The following INTS13 variants were observed in gnomAD, a reference collection of about 807,000 sequenced individuals.
INTS13 encodes the protein asunder, spermatogenesis regulator homolog (Drosphila).
INTS13 carries 35 observed loss-of-function variants against 90.2 expected under a neutral mutation model. The observed-to-expected ratio is 0.39, with a 90% CI of 0.30 to 0.51. The LOEUF (loss-of-function observed/expected upper bound fraction) is 0.51, where lower values mean the gene tolerates loss of function less well. Ranked by LOEUF, INTS13 falls within the 20% of genes least tolerant of loss-of-function variation. INTS13 has a pLI of 0.80. For synonymous variants in INTS13, 309 were observed against 277.1 expected (o/e 1.11, Z -1.14); for missense variants, 601 against 851.2 (o/e 0.71, Z 3.66).
chr12:26,910,424 T>C (rs1951736950), intron 15 of INTS13, among the ~76,000 whole-genome samples: 2 of 152,238 alleles, frequency 1.3e-5, no homozygotes, highest in South Asian at 2.1e-4. Context: ...GCCTGTATTC[T>C]CTAAGGCTGT....
intron 14 of INTS13, among the ~76,000 whole-genome samples, chr12:26,912,793 T>C (rs1201747247): frequency 6.6e-6 from 1 of 151,856 alleles, no homozygotes; most frequent in African/African-American, 2.4e-5. Context: ...AGTGGAGGAA[T>C]CTCGGCTCAC....
At chr12:26,923,276 C>CA (rs1329943505) in intron 7 of INTS13, among the ~76,000 whole-genome samples, 1 of 152,134 alleles carries the variant, frequency 6.6e-6, no homozygotes. Context: ...GGCAAGCTAT[C>CA]AGAGTATTTT....
intron 11 of INTS13, among the ~76,000 whole-genome samples, chr12:26,915,284 GT>G (rs1951899896): frequency 6.6e-6 from 1 of 151,986 alleles, no homozygotes; most frequent in African/African-American, 2.4e-5. Context: ...GTCAACAATA[GT>G]TATCTGTGAA....
At chr12:26,924,523 T>C (rs772871325) in intron 6 of INTS13, 40 bp from the exon 7 acceptor site, 25 of 1,560,546 alleles carry the variant, frequency 1.6e-5, no homozygotes, top group Admixed American at 5.5e-5. Context: ...CACAAAATAT[T>C]AATTCATTGT....
intron 15 of INTS13, among the ~76,000 whole-genome samples, chr12:26,909,103 G>GC (rs1360297994): frequency 6.6e-6 from 1 of 152,230 alleles, no homozygotes; most frequent in Non-Finnish European, 1.5e-5. Context: ...ACTCATGCCT[G>GC]TAATCCCAGC....
chr12:26,928,153 A>C, intron 5 of INTS13, 52 bp downstream of exon 5: 1 of 1,284,316 alleles, frequency 7.8e-7, no homozygotes, highest in Non-Finnish European at 1.1e-6. Flanking sequence ...AATAATTATA[A>C]CATATATCTA....
chr12:26,920,111 G>C (rs1435812926), intron 8 of INTS13, among the ~76,000 whole-genome samples: 4 of 143,426 alleles, frequency 2.8e-5, no homozygotes, highest in Non-Finnish European at 4.5e-5. Flanking sequence ...CTGGGCGACA[G>C]AGCGAGACTC....
chr12:26,927,855 A>C (rs1007055092), intron 5 of INTS13, among the ~76,000 whole-genome samples: 8 of 152,186 alleles, frequency 5.3e-5, no homozygotes, highest in African/African-American at 1.9e-4. Context: ...AGCTCAGGTT[A>C]TCTCTCCACT....
intron 14 of INTS13, among the ~76,000 whole-genome samples, chr12:26,911,785 A>C (rs1951783396): frequency 6.6e-6 from 1 of 152,200 alleles, no homozygotes; most frequent in South Asian, 2.1e-4. Flanking sequence ...TTAGAGTTTC[A>C]TCAGAGAACA....
intron 3 of INTS13, among the ~76,000 whole-genome samples, chr12:26,934,092 G>A (rs1938336006): frequency 6.6e-6 from 1 of 152,122 alleles, no homozygotes; most frequent in Non-Finnish European, 1.5e-5. Flanking sequence ...TGGCCAACAT[G>A]GCTAAACCCT....
chr12:26,909,051 T>C (rs181098933), intron 15 of INTS13, among the ~76,000 whole-genome samples: 1 of 152,316 alleles, frequency 6.6e-6, no homozygotes, highest in East Asian at 1.9e-4. Flanking sequence ...ATAATTATTC[T>C]TGGGTTATAT....
rs1938565396 is a variant in INTS13 at position 26,937,909 on chromosome 12, C to T, written c.-125G>A. On this transcript the variant is annotated 5_prime_UTR_variant, in exon 1 of 17. It introduces an in-frame stop codon into an upstream open reading frame of the 5' UTR. Transcript: ENST00000261191. ...GCGCACAGTCGGGAGTGTCTGGTGC[C>T]ACAGACAGGGGACTATGCTTTCCCC... 1 of 152,776 alleles carries T rather than the reference C, an allele frequency of 6.5e-6. No homozygotes were observed. The highest frequency in any genetic ancestry group is 2.4e-5 in the African/African-American group (1 of 41,462). The allele number at this position is 152,776 out of a possible 1,614,324, so 9.5% of individuals were successfully genotyped here. A position where few individuals can be genotyped will look rare whatever the true frequency, so the allele number is the denominator to read the frequency against.
In INTS13 at chr12:26,908,756, G is replaced by A. The variant is rs1951687254; in HGVS notation, c.1946-2319C>T. 2.0e-5 allele frequency among the ~76,000 whole-genome samples: 3 copies of A among 151,986 alleles called. No homozygotes were observed. The South Asian group carries it at 6.2e-4, about 31-fold the overall frequency. On this transcript the variant is annotated intron_variant, in intron 15 of 16. Coordinates refer to ENST00000261191, the MANE Select transcript of INTS13 (RefSeq NM_018164.3). ...TGATCAGAAGAGACATGCAATTTAG[G>A]TCATAAAATAGAATGAAGGAAAAAA...
chr12:26,916,255 T>A, intron 10 of INTS13, 75 bp from the exon 11 acceptor site: 1 of 1,299,550 alleles, frequency 7.7e-7, no homozygotes. Context: ...GATTTATGTC[T>A]AGATTTTTTC....
chr12:26,929,299 T>C (rs1484526853), intron 3 of INTS13, among the ~76,000 whole-genome samples: 1 of 152,166 alleles, frequency 6.6e-6, no homozygotes, highest in Non-Finnish European at 1.5e-5. Context: ...ACTGATAACA[T>C]CATACTTAAT....
chr12:26,921,594 T>A (rs1952119380), intron 8 of INTS13, among the ~76,000 whole-genome samples: 1 of 152,310 alleles, frequency 6.6e-6, no homozygotes, highest in East Asian at 1.9e-4. Flanking sequence ...GTTACAGTAG[T>A]CCCCCGACTT....
chr12:26,907,844 T>C (rs1951654699), intron 15 of INTS13, among the ~76,000 whole-genome samples: 2 of 152,236 alleles, frequency 1.3e-5, no homozygotes, highest in East Asian at 1.9e-4. Context: ...TCATTAATCA[T>C]GAGAGAAATG....
Position 26,928,917 on chromosome 12 carries a change from G to C in INTS13, c.301-12C>G. Reference sequence around the variant, plus strand: ...AATGCTGCCATTAGCTAAGTAAAAGGGAAAACAATTATGTTGACAAGAGTA... The same window carrying C: ...AATGCTGCCATTAGCTAAGTAAAAGCGAAAACAATTATGTTGACAAGAGTA... On this transcript the variant is annotated splice_polypyrimidine_tract_variant and intron_variant, in intron 3 of 16. Coordinates refer to ENST00000261191, the MANE Select transcript of INTS13 (RefSeq NM_018164.3). 1.2e-6 allele frequency: 2 copies of C among 1,611,932 alleles called. No homozygotes were observed. Among genetic ancestry groups the C allele is most frequent in the Non-Finnish European group, 1.7e-6 (2 of 1,178,560 alleles).
intron 2 of INTS13, 120 bp from the exon 3 acceptor site, chr12:26,934,750 T>C: frequency 1.2e-6 from 1 of 809,546 alleles, no homozygotes; most frequent in Middle Eastern, 3.6e-4. Context: ...CTTCTTTTTA[T>C]AGTTACAGAA....
Sources: allele counts gnomAD v4.1 joint callset (sites outside exome capture counted in the v4.1 genomes callset), GRCh38; gene constraint gnomAD v4.1.1; transcripts MANE v1.5; gene names NCBI Gene and HGNC (gene_info 2026-07-23, HGNC 2026-07-21).